PKIA: variants seen among roughly 807,000 people sequenced by gnomAD.
The protein encoded by PKIA is PKI-alpha.
In PKIA, 4 loss-of-function variants were observed where a neutral mutation model predicts 7.6. The ratio of observed to expected loss-of-function variants is 0.52; its 90% confidence interval spans 0.26 to 1.20. The LOEUF is 1.20. Ranked by LOEUF, PKIA falls within the 50% of genes most tolerant of loss-of-function variation. The pLI, the probability that PKIA is intolerant of heterozygous loss-of-function variation, is 0.13. For missense variants in PKIA, 73 were observed against 86.2 expected (o/e 0.85, Z 0.61); for synonymous variants, 21 against 30.7 (o/e 0.68, Z 1.04).
intron 2 of PKIA, among the ~76,000 whole-genome samples, chr8:78,576,592 A>T (rs941136144): frequency 2.0e-5 from 3 of 152,110 alleles, no homozygotes; most frequent in East Asian, 1.9e-4. Context: ...TAAATAAAAT[A>T]AAATAAAATT....
intron 1 of PKIA, among the ~76,000 whole-genome samples, chr8:78,519,481 A>T (rs780724315): frequency 6.6e-6 from 1 of 152,154 alleles, no homozygotes; most frequent in Non-Finnish European, 1.5e-5. Context: ...GAAATGTTGA[A>T]ATGGAAAAGG....
chr8:78,582,239 G>A (rs529756318), intron 2 of PKIA, among the ~76,000 whole-genome samples: 145 of 149,134 alleles, frequency 9.7e-4, no homozygotes, highest in Non-Finnish European at 1.5e-3. Flanking sequence ...CCATTCTCAC[G>A]CTGCTATAAG....
At chr8:78,590,334 A>G (rs1420793801) in intron 2 of PKIA, among the ~76,000 whole-genome samples, 1 of 152,078 alleles carries the variant, frequency 6.6e-6, no homozygotes, top group African/African-American at 2.4e-5. Context: ...AGACCATTTC[A>G]AACTGCAAGA....
At chr8:78,543,881 C>A (rs1219370486) in intron 1 of PKIA, among the ~76,000 whole-genome samples, 1 of 152,136 alleles carries the variant, frequency 6.6e-6, no homozygotes, top group East Asian at 1.9e-4. Context: ...TCAGGCATTT[C>A]TACTGTTCCA....
intron 2 of PKIA, among the ~76,000 whole-genome samples, chr8:78,595,464 G>A (rs1029960515): frequency 6.6e-6 from 1 of 152,046 alleles, no homozygotes; most frequent in Non-Finnish European, 1.5e-5. Context: ...TAGGTTCAAG[G>A]GGTACATATG....
At chr8:78,538,156 A>ATTC (rs1215778694) in intron 1 of PKIA, among the ~76,000 whole-genome samples, 2 of 151,872 alleles carry the variant, frequency 1.3e-5, no homozygotes, top group African/African-American at 2.4e-5. Context: ...TCTTTATACT[A>ATTC]TTCTCTCTGA....
intron 1 of PKIA, chr8:78,536,099 TA>T (rs1386803785): frequency 6.6e-6 from 1 of 151,972 alleles, no homozygotes; most frequent in Non-Finnish European, 1.5e-5. Flanking sequence ...CCTCTGTTAT[TA>T]AAAAACAAGA....
intron 3 of PKIA, among the ~76,000 whole-genome samples, chr8:78,601,421 A>AT (rs1306932999): frequency 2.0e-5 from 3 of 152,028 alleles, no homozygotes; most frequent in African/African-American, 7.2e-5. Context: ...AACCTGTGAA[A>AT]CTATACCTAA....
chr8:78,540,709 AT>A (rs774998973), intron 1 of PKIA, among the ~76,000 whole-genome samples: 116 of 146,232 alleles, frequency 7.9e-4, no homozygotes, highest in East Asian at 1.6e-3. Context: ...TTTTTCGCAA[AT>A]TTTTTTTTTT....
intron 1 of PKIA, among the ~76,000 whole-genome samples, chr8:78,523,295 G>A (rs796554853): frequency 1.3e-5 from 2 of 151,684 alleles, no homozygotes; most frequent in Non-Finnish European, 2.9e-5. Flanking sequence ...GGGGTGGGGG[G>A]AATTATTAAT....
chr8:78,594,379 G>T (rs1354866436), intron 2 of PKIA, among the ~76,000 whole-genome samples: 2 of 151,020 alleles, frequency 1.3e-5, no homozygotes, highest in Non-Finnish European at 3.0e-5. Flanking sequence ...AAAAAAAAAA[G>T]TGAGTCCTTT....
intron 2 of PKIA, among the ~76,000 whole-genome samples, chr8:78,576,627 C>G (rs1029465138): frequency 6.6e-6 from 1 of 151,886 alleles, no homozygotes; most frequent in East Asian, 1.9e-4. Flanking sequence ...GCACCTGGGT[C>G]AAACTAGCCT....
intron 2 of PKIA, among the ~76,000 whole-genome samples, chr8:78,584,375 T>C (rs1047037292): frequency 6.6e-6 from 1 of 152,176 alleles, no homozygotes; most frequent in African/African-American, 2.4e-5. Context: ...GATGGAAGTA[T>C]AGCCAAGCAT....
intron 1 of PKIA, among the ~76,000 whole-genome samples, chr8:78,569,090 G>A (rs34878532): frequency 0.13 from 20,238 of 152,060 alleles, 1,612 homozygotes; most frequent in African/African-American, 0.21. Context: ...CTAAGCCCCC[G>A]CCTCTACTTG....
chr8:78,524,733 T>G (rs1468981566), intron 1 of PKIA, among the ~76,000 whole-genome samples: 1 of 151,904 alleles, frequency 6.6e-6, no homozygotes, highest in Non-Finnish European at 1.5e-5. Flanking sequence ...TTTGATATAT[T>G]TTATCAATGT....
At chr8:78,590,242 C>T (rs1004526159) in intron 2 of PKIA, among the ~76,000 whole-genome samples, 4 of 150,778 alleles carry the variant, frequency 2.7e-5, no homozygotes, top group Non-Finnish European at 4.4e-5. Context: ...TTTACATAAC[C>T]CAGTGTACCA....
chr8:78,601,844 A>T lies in PKIA; in HGVS notation c.*23A>T. ...TAACACCCCACTTTGACCCTCGACC[A>T]CACCTGAAAATGTCTCAAATCTCCA... On this transcript the variant is annotated 3_prime_UTR_variant, in exon 4 of 4. Coordinates refer to ENST00000396418, the MANE Select transcript of PKIA (RefSeq NM_006823.4). 1 of 1,553,126 alleles carries T rather than the reference A, an allele frequency of 6.4e-7. No individual in the cohort carries two copies. Among genetic ancestry groups the T allele is most frequent in the Non-Finnish European group, 8.9e-7 (1 of 1,126,194 alleles).
chr8:78,565,029 GA>G (rs1461429792), intron 1 of PKIA, among the ~76,000 whole-genome samples: 3 of 151,718 alleles, frequency 2.0e-5, no homozygotes, highest in African/African-American at 4.8e-5. Context: ...TGTTAAAGGA[GA>G]TTTTTTTGGC....
At chr8:78,536,507 T>C (rs1313528444) in intron 1 of PKIA, among the ~76,000 whole-genome samples, 1 of 152,080 alleles carries the variant, frequency 6.6e-6, no homozygotes, top group African/African-American at 2.4e-5. Context: ...AGTTACTGTC[T>C]TTATTTGTGA....
Sources: allele counts gnomAD v4.1 joint callset (sites outside exome capture counted in the v4.1 genomes callset), GRCh38; gene constraint gnomAD v4.1.1; transcripts MANE v1.5; gene names NCBI Gene and HGNC (gene_info 2026-07-23, HGNC 2026-07-21).